The following SGTA variants were observed in gnomAD, a reference collection of about 807,000 sequenced individuals.
The protein encoded by SGTA is small glutamine rich tetratricopeptide repeat co-chaperone alpha.
In SGTA, 22 loss-of-function variants were observed where a neutral mutation model predicts 44.3. The observed-to-expected ratio is 0.50, with a 90% confidence interval of 0.36 to 0.71. The LOEUF (loss-of-function observed/expected upper bound fraction) is 0.71. Ranked by LOEUF, SGTA falls within the 30% of genes least tolerant of loss-of-function variation. The probability of loss-of-function intolerance (pLI) is 0.00; values close to 1 mark genes in which losing one functional copy is unlikely to be tolerated. For missense variants in SGTA, 341 were observed against 435.9 expected, an observed-to-expected ratio of 0.78 and a Z score of 1.94; for synonymous variants, 174 against 177.6, an observed-to-expected ratio of 0.98 and a Z score of 0.16.
chr19:2,755,412 T>C lies in SGTA; in HGVS notation c.*528A>G. ...AAAGAGTTCCTCATGCAAACACACA[T>C]GGCCCGCGGTGCCCAGGCCGCAGCT... On this transcript the variant is annotated 3_prime_UTR_variant, in exon 12 of 12. Coordinates refer to ENST00000221566, the MANE Select transcript of SGTA (RefSeq NM_003021.4). This position sits in a 1 kb window ranked among gnomAD's most constrained non-coding sequence, Gnocchi z 5.2. The C allele has an allele frequency of 1.0e-6, 1 of 987,624 alleles. No homozygotes were observed. The highest frequency in any genetic ancestry group is 1.2e-6 in the Non-Finnish European group (1 of 830,136). The allele number at this position is 987,624 out of a possible 1,614,324, so 61.2% of individuals were successfully genotyped here. A position where few individuals can be genotyped will look rare whatever the true frequency, so the allele number is the denominator to read the frequency against.
intron 1 of SGTA, among the ~76,000 whole-genome samples, chr19:2,780,382 G>A (rs987689270): frequency 6.6e-6 from 1 of 152,058 alleles, no homozygotes; most frequent in Non-Finnish European, 1.5e-5. Context: ...TCCCCACATC[G>A]AAGCCTACTT....
intron 1 of SGTA, among the ~76,000 whole-genome samples, chr19:2,780,223 C>T (rs545110303): frequency 1.2e-4 from 19 of 152,262 alleles, no homozygotes; most frequent in African/African-American, 4.3e-4. Context: ...AGGAAGGGCC[C>T]GCTCTTACCC....
Position 2,755,537 on chromosome 19 carries a change from C to T in SGTA, c.*403G>A, listed in dbSNP as rs973952049. On this transcript the variant is annotated 3_prime_UTR_variant, in exon 12 of 12. Coordinates refer to ENST00000221566, the MANE Select transcript of SGTA (RefSeq NM_003021.4). The surrounding 1 kb of genome is among the most constrained non-coding windows in gnomAD (Gnocchi z 5.2). ...CGGGAGAGTTCCTGCAGACAGACCA[C>T]GGGATGGGGGGCGGGGGCTGTAAAA... 5 of 985,548 alleles carry T rather than the reference C, an allele frequency of 5.1e-6. No individual in the cohort carries two copies. Among genetic ancestry groups the T allele is most frequent in the African/African-American group, 3.5e-5 (2 of 57,280 alleles). The allele number at this position is 985,548 out of a possible 1,614,324, so 61.1% of individuals were successfully genotyped here.
At position 2,763,315 on chromosome 19, in the gene SGTA, C is replaced by T. The variant is rs1014342892; in HGVS notation, c.497+338G>A. 2.0e-5 allele frequency among the ~76,000 whole-genome samples: 3 copies of T among 152,194 alleles called. No individual in the cohort carries two copies. The highest frequency in any genetic ancestry group is 7.2e-5 in the African/African-American group (3 of 41,450). On this transcript the variant is annotated intron_variant, in intron 6 of 11. Transcript: ENST00000221566. This position sits in a 1 kb window ranked among gnomAD's most constrained non-coding sequence, Gnocchi z 5.8. ...CCTCACTCTCGGACCTGTCCTGTGT[C>T]CTTCATCATAAACCAGGTGCTTCCC...
rs1424865714 is a variant in SGTA, at chr19:2,767,574, G to T, written c.207+6C>A. On this transcript the variant is annotated splice_donor_region_variant and intron_variant, in intron 3 of 11. Coordinates refer to ENST00000221566, the MANE Select transcript of SGTA (RefSeq NM_003021.4). This position sits in a 1 kb window ranked among gnomAD's most constrained non-coding sequence, Gnocchi z 7.3. ...GGGCAGTGGCTGGGGAAGCATCGAG[G>T]CTCACCTTGCCCGTGGCAGCCGCTT... 2 of 1,609,530 alleles carry T rather than the reference G, an allele frequency of 1.2e-6. No individual in the cohort carries two copies.
chr19:2,773,800 C>T (rs1462238909), intron 1 of SGTA, among the ~76,000 whole-genome samples: 5 of 75,130 alleles, frequency 6.7e-5, no homozygotes, highest in African/African-American at 8.1e-5. Flanking sequence ...GTGGGTGACG[C>T]GGCCACACGG....
In SGTA at chr19:2,761,844, A is replaced by G. The variant is rs1915002010; in HGVS notation, c.637-322T>C. 6.8e-6 allele frequency among the ~76,000 whole-genome samples: 1 copy of G among 147,696 alleles called. No individual in the cohort carries two copies. Among genetic ancestry groups the G allele is most frequent in the South Asian group, 2.2e-4 (1 of 4,646 alleles). ...CCGTGTTTATTCCCCGCACAGCGCG[A>G]CCGCCCGGGGACGGCACAGTCTATC... On this transcript the variant is annotated intron_variant, in intron 7 of 11. Transcript: ENST00000221566. This position sits in a 1 kb window ranked among gnomAD's most constrained non-coding sequence, Gnocchi z 5.7.
intron 1 of SGTA, among the ~76,000 whole-genome samples, chr19:2,776,992 G>A (rs1395723673): frequency 6.6e-6 from 1 of 151,932 alleles, no homozygotes; most frequent in Non-Finnish European, 1.5e-5. Context: ...GTCGGGCACA[G>A]TGGCTCATGC....
rs1914798731 is a variant in SGTA, at chr19:2,755,564, G to C, written c.*376C>G. On this transcript the variant is annotated 3_prime_UTR_variant, in exon 12 of 12. Coordinates refer to ENST00000221566, the MANE Select transcript of SGTA (RefSeq NM_003021.4). This position sits in a 1 kb window ranked among gnomAD's most constrained non-coding sequence, Gnocchi z 5.2. ...GGATGGGGGGCGGGGGCTGTAAAAG[G>C]CTTTGGAAGCCACACGATCCGCCAC... The C allele has an allele frequency of 2.0e-6, 2 of 985,794 alleles. No homozygotes were observed. The highest frequency in any genetic ancestry group is 1.7e-5 in the African/African-American group (1 of 57,244). The allele number at this position is 985,794 out of a possible 1,614,324, so 61.1% of individuals were successfully genotyped here.
At chr19:2,770,479 G>T (rs542406848) in intron 1 of SGTA, 1 of 152,384 alleles carries the variant, frequency 6.6e-6, no homozygotes, top group Admixed American at 6.5e-5. Context: ...GCTCAGGAAG[G>T]CTTGGCCTCA....
Position 2,767,167 on chromosome 19 carries a change from G to C in SGTA, c.261C>G (p.Asp87Glu), listed in dbSNP as rs1463079609. The change falls in exon 4 of 12, where the codon GAC becomes GAG. Residue 87 changes from aspartate (D) to glutamate (E), a missense_variant. Transcript: ENST00000221566. The surrounding 1 kb of genome is among the most constrained non-coding windows in gnomAD (Gnocchi z 7.3). ...TTTTGAGGCGCTCTGCCTCTGCTGA[G>C]TCCTCCTCGGAAGGCGGGGTTCGCG... is the stretch of plus-strand genomic sequence containing the variant. ...SPARTPPSEE[D>E]SAEAERLKTE... 1.9e-6 allele frequency: 3 copies of C among 1,612,952 alleles called. No homozygotes were observed. Among genetic ancestry groups the C allele is most frequent in the Non-Finnish European group, 2.5e-6 (3 of 1,179,606 alleles).
chr19:2,758,618 G>C (rs1467121999), intron 9 of SGTA, among the ~76,000 whole-genome samples: 2 of 152,148 alleles, frequency 1.3e-5, no homozygotes, highest in African/African-American at 2.4e-5. Context: ...CTATGAGCCA[G>C]CGAGTGCACT....
Position 2,757,654 on chromosome 19 carries a change from G to A in SGTA, c.827+39C>T, listed in dbSNP as rs768909155. On this transcript the variant is annotated intron_variant, in intron 10 of 11. Coordinates refer to ENST00000221566, the MANE Select transcript of SGTA (RefSeq NM_003021.4). ...CTTCCGCCTGCGAGCCCTGCCCGCC[G>A]CCCACGTCCTCCGTCCTCTTGGAAG... The A allele has an allele frequency of 1.9e-5, 29 of 1,495,822 alleles. No homozygotes were observed. The East Asian group carries it at 4.5e-4, about 23-fold the overall frequency. The allele number at this position is 1,495,822 out of a possible 1,614,324, so 92.7% of individuals were successfully genotyped here.
Position 2,757,920 on chromosome 19 carries a change from G to A in SGTA, c.738-138C>T, listed in dbSNP as rs540568216. On this transcript the variant is annotated intron_variant, in intron 9 of 11. Transcript: ENST00000221566. ...AGGAGAGGATTCTCTCTCACCACCT[G>A]GTGGGCCTCCAGGGCCCAAACCCAC... The A allele has an allele frequency of 3.1e-4, 179 of 569,386 alleles. 3 individuals carry two copies. In the South Asian group the frequency reaches 5.2e-3, roughly 16 times the overall value. 35.3% of individuals were successfully genotyped at this position (569,386 alleles called of 1,614,324 possible).
intron 9 of SGTA, among the ~76,000 whole-genome samples, chr19:2,758,180 G>A (rs899987774): frequency 2.0e-5 from 3 of 152,210 alleles, no homozygotes; most frequent in African/African-American, 2.4e-5. Context: ...CCCTGCTCCA[G>A]AAACTGGTCC....
In SGTA at chr19:2,782,363, CCT is replaced by C. The variant is rs1419894952; in HGVS notation, c.-24+868_-24+869del. On this transcript the variant is annotated intron_variant, in intron 1 of 11. Coordinates refer to ENST00000221566, the MANE Select transcript of SGTA (RefSeq NM_003021.4). ...AAAAGAAAATGGGACAATCATTCAA[CCT>C]CTGAAGGGCACACTACACTGCAATT... 2.6e-5 allele frequency among the ~76,000 whole-genome samples: 4 copies of C among 152,334 alleles called. No individual in the cohort carries two copies. In the East Asian group the frequency reaches 7.7e-4, roughly 29 times the overall value.
rs1423407024 is a variant in SGTA, at chr19:2,757,748, A to G, written c.772T>C (p.Leu258=). 1.9e-6 allele frequency: 3 copies of G among 1,604,504 alleles called. No homozygotes were observed. Among genetic ancestry groups the G allele is most frequent in the Non-Finnish European group, 2.6e-6 (3 of 1,176,062 alleles). ...GAGGGGCTGGTGCCGGGAGTTCCCA[A>G]GGGGTTGTTGCCACCCGAAATCATG... ...SGMISGGNNP[L]GTPGTSPSQN... The change falls in exon 10 of 12, where the codon TTG becomes CTG. Residue 258 remains leucine (L), a synonymous_variant. Coordinates refer to ENST00000221566, the MANE Select transcript of SGTA (RefSeq NM_003021.4).
Position 2,763,545 on chromosome 19 carries a change from G to A in SGTA, c.497+108C>T, listed in dbSNP as rs749811999. On this transcript the variant is annotated intron_variant, in intron 6 of 11. Coordinates refer to ENST00000221566, the MANE Select transcript of SGTA (RefSeq NM_003021.4). The surrounding 1 kb of genome is among the most constrained non-coding windows in gnomAD (Gnocchi z 5.8). ...TGTCAGAGTTGAACTGAACCGGGGT[G>A]GGAGAATTCGTTGTGGGTGGGAAAA... The A allele has an allele frequency of 5.2e-5, 37 of 716,862 alleles. No individual in the cohort carries two copies. The highest frequency in any genetic ancestry group is 7.2e-5 in the Non-Finnish European group (31 of 428,322). 44.4% of individuals were successfully genotyped at this position (716,862 alleles called of 1,614,324 possible). A position where few individuals can be genotyped will look rare whatever the true frequency, so the allele number is the denominator to read the frequency against.
intron 8 of SGTA, among the ~76,000 whole-genome samples, chr19:2,760,134 C>T (rs1037241063): frequency 2.6e-5 from 4 of 152,164 alleles, no homozygotes; most frequent in African/African-American, 2.4e-5. Context: ...TTTTCAGACA[C>T]GGGTGCCTGA....
Sources: gnomAD v4.1 joint callset for allele counts (sites outside exome capture counted in the v4.1 genomes callset) on GRCh38, gnomAD v4.1.1 for gene constraint, Gnocchi (gnomAD v3.1) non-coding constraint, MANE v1.5 for transcripts, NCBI Gene and HGNC (gene_info 2026-07-23, HGNC 2026-07-21) for gene names.